The following KCNN2 variants were observed in gnomAD, a reference collection of about 807,000 sequenced individuals.
KCNN2 encodes potassium calcium-activated channel subfamily N member 2, also known as small conductance calcium-activated potassium channel protein 2.
Under a neutral mutation model 55.5 loss-of-function variants are expected in KCNN2, and 24 were observed. The ratio of observed to expected loss-of-function variants is 0.43; its 90% confidence interval spans 0.31 to 0.61. KCNN2 has a LOEUF of 0.61. Among genes scored for constraint, KCNN2 ranks in the 20% least tolerant of loss-of-function variants. KCNN2 has a pLI of 0.08. For missense variants in KCNN2, 754 were observed against 853.6 expected, an observed-to-expected ratio of 0.88 and a Z score of 1.45; for synonymous variants, 431 against 336.1, an observed-to-expected ratio of 1.28 and a Z score of -3.09.
At chr5:114,218,938 T>G (rs925755308) in intron 1 of KCNN2, among the ~76,000 whole-genome samples, 11 of 152,170 alleles carry the variant, frequency 7.2e-5, no homozygotes, top group Non-Finnish European at 1.0e-4. Context: ...TCTCAACTCC[T>G]CATGGGAAGG....
intron 1 of KCNN2, among the ~76,000 whole-genome samples, chr5:114,142,708 A>G (rs1367663367): frequency 1.3e-5 from 2 of 152,212 alleles, no homozygotes; most frequent in Admixed American, 1.3e-4. Context: ...GCTCAACAAA[A>G]TAAAAGAGGA....
chr5:114,483,152 T>C (rs1450840450), intron 5 of KCNN2, among the ~76,000 whole-genome samples: 1 of 152,152 alleles, frequency 6.6e-6, no homozygotes, highest in Non-Finnish European at 1.5e-5. Context: ...TTTATTATTT[T>C]ATAATTAACC....
At chr5:114,453,745 G>C (rs971517552) in intron 3 of KCNN2, among the ~76,000 whole-genome samples, 5 of 151,800 alleles carry the variant, frequency 3.3e-5, no homozygotes, top group Admixed American at 1.3e-4. Context: ...ACTGCATTAC[G>C]GTTACTTTTT....
chr5:114,059,012 C>A (rs1750268625), intron 1 of KCNN2, among the ~76,000 whole-genome samples: 1 of 152,092 alleles, frequency 6.6e-6, no homozygotes, highest in Non-Finnish European at 1.5e-5. Context: ...GCTGTGAAAG[C>A]CTGGAGGAAG....
intron 5 of KCNN2, 197 bp from the exon 6 acceptor site, chr5:114,486,853 A>G (rs1747575493): frequency 8.5e-7 from 1 of 1,177,446 alleles, no homozygotes; most frequent in Non-Finnish European, 1.2e-6. Context: ...TCCCTATTTC[A>G]ATTTAAGTGT....
intron 1 of KCNN2, among the ~76,000 whole-genome samples, chr5:114,219,292 A>G (rs557719317): frequency 4.6e-4 from 70 of 152,322 alleles, no homozygotes; most frequent in African/African-American, 1.6e-3. Flanking sequence ...AGCAAGGACA[A>G]AGGGTCAGTG....
chr5:114,107,051 G>C (rs944439565), intron 1 of KCNN2, among the ~76,000 whole-genome samples: 1 of 151,852 alleles, frequency 6.6e-6, no homozygotes, highest in African/African-American at 2.4e-5. Flanking sequence ...AATCCATCTG[G>C]AACTTATTTT....
At chr5:114,451,792 G>T (rs1054554830) in intron 3 of KCNN2, among the ~76,000 whole-genome samples, 7 of 151,986 alleles carry the variant, frequency 4.6e-5, no homozygotes, top group South Asian at 2.1e-4. Flanking sequence ...AGCTACTTGG[G>T]AGGCTGAGGC....
chr5:114,191,764 C>A (rs1269297279), intron 1 of KCNN2, among the ~76,000 whole-genome samples: 1 of 152,102 alleles, frequency 6.6e-6, no homozygotes, highest in Non-Finnish European at 1.5e-5. Flanking sequence ...ATAATTTTGG[C>A]CTTGGAACCC....
intron 1 of KCNN2, among the ~76,000 whole-genome samples, chr5:114,170,625 C>T (rs1460304666): frequency 6.6e-6 from 1 of 152,006 alleles, no homozygotes; most frequent in African/African-American, 2.4e-5. Context: ...CAATATCCAA[C>T]TTTCCATATG....
chr5:114,382,569 A>G (rs1416600591), intron 2 of KCNN2, among the ~76,000 whole-genome samples: 2 of 152,238 alleles, frequency 1.3e-5, no homozygotes, highest in South Asian at 2.1e-4. Context: ...TTGAAGCACT[A>G]GACATAGATG....
At chr5:114,166,344 C>T (rs1271293722) in intron 1 of KCNN2, among the ~76,000 whole-genome samples, 1 of 152,156 alleles carries the variant, frequency 6.6e-6, no homozygotes, top group Non-Finnish European at 1.5e-5. Flanking sequence ...GCAAATGTTT[C>T]TACTGTGTAG....
chr5:114,254,589 A>G (rs1754944168), intron 2 of KCNN2, among the ~76,000 whole-genome samples: 1 of 152,206 alleles, frequency 6.6e-6, no homozygotes, highest in African/African-American at 2.4e-5. Context: ...CTTATAAAAA[A>G]GTTATCACAG....
chr5:114,270,553 G>C (rs1221328275), intron 2 of KCNN2, among the ~76,000 whole-genome samples: 1 of 152,104 alleles, frequency 6.6e-6, no homozygotes, highest in African/African-American at 2.4e-5. Context: ...TACTAAAAAT[G>C]TTGATATATT....
intron 7 of KCNN2, among the ~76,000 whole-genome samples, chr5:114,495,120 T>A (rs1331067265): frequency 1.3e-5 from 2 of 152,178 alleles, no homozygotes; most frequent in Non-Finnish European, 2.9e-5. Flanking sequence ...TACCCTGTGA[T>A]CAAGACAATC....
At chr5:114,085,958 CT>C (rs1321784713) in intron 1 of KCNN2, among the ~76,000 whole-genome samples, 1 of 152,062 alleles carries the variant, frequency 6.6e-6, no homozygotes, top group Non-Finnish European at 1.5e-5. Context: ...GATGAATGGA[CT>C]CTTTTTTCAG....
At chr5:114,149,926 C>T (rs1169794046) in intron 1 of KCNN2, among the ~76,000 whole-genome samples, 2 of 152,132 alleles carry the variant, frequency 1.3e-5, no homozygotes, top group African/African-American at 4.8e-5. Context: ...CCTGTCTTAT[C>T]CCTATGAACA....
At chr5:114,288,574 A>T (rs1451361861) in intron 2 of KCNN2, among the ~76,000 whole-genome samples, 1 of 151,474 alleles carries the variant, frequency 6.6e-6, no homozygotes, top group African/African-American at 2.4e-5. Context: ...TGTTGGTGTA[A>T]GGTGGTATGT....
intron 3 of KCNN2, chr5:114,433,424 T>A (rs1759872742): frequency 6.6e-6 from 1 of 152,084 alleles, no homozygotes; most frequent in Admixed American, 6.6e-5. Flanking sequence ...CAGTGCCCTG[T>A]CAAAACAGAC....
Sources: gnomAD v4.1 joint callset for allele counts (sites outside exome capture counted in the v4.1 genomes callset) on GRCh38, gnomAD v4.1.1 for gene constraint, MANE v1.5 for transcripts, NCBI Gene and HGNC (gene_info 2026-07-23, HGNC 2026-07-21) for gene names.